The following RAB30 variants were observed in gnomAD, a reference collection of about 807,000 sequenced individuals.
RAB30 encodes the protein RAB30, member RAS oncogene family.
In RAB30, 9 loss-of-function variants were observed where a neutral mutation model predicts 25.1. That is an observed-to-expected ratio of 0.36 (90% CI 0.22 to 0.63). The LOEUF is 0.63. Among genes scored for constraint, RAB30 ranks in the 20% least tolerant of loss-of-function variants. RAB30 has a pLI of 0.69. For missense variants in RAB30, 140 were observed against 243.5 expected (o/e 0.58, Z 2.83); for synonymous variants, 77 against 86.4 (o/e 0.89, Z 0.60).
At chr11:83,029,954 A>G (rs976875055) in intron 1 of RAB30, among the ~76,000 whole-genome samples, 5 of 152,208 alleles carry the variant, frequency 3.3e-5, no homozygotes, top group Non-Finnish European at 5.9e-5. Flanking sequence ...AAAACCAGAT[A>G]CCTTGTTTTC....
Position 82,987,790 on chromosome 11 carries a change from G to C in RAB30, c.178-20C>G, listed in dbSNP as rs376549424. The C allele has an allele frequency of 2.0e-5, 30 of 1,522,550 alleles. No individual in the cohort carries two copies. In the African/African-American group the frequency reaches 4.1e-4, roughly 21 times the overall value. 94.3% of individuals were successfully genotyped at this position (1,522,550 alleles called of 1,614,324 possible). A position where few individuals can be genotyped will look rare whatever the true frequency, so the allele number is the denominator to read the frequency against. On this transcript the variant is annotated intron_variant, in intron 3 of 4. Coordinates refer to ENST00000527633, the MANE Select transcript of RAB30 (RefSeq NM_001286060.2). ...CTGTAGCTGTAAAGGCATAAGATAAGAATCAGGTGAAGAAGGATCAGGTTG... is the reference window on the plus strand; with the variant it reads ...CTGTAGCTGTAAAGGCATAAGATAACAATCAGGTGAAGAAGGATCAGGTTG...
chr11:83,010,457 A>C (rs1198330244), intron 1 of RAB30, among the ~76,000 whole-genome samples: 3 of 152,218 alleles, frequency 2.0e-5, no homozygotes, highest in Non-Finnish European at 2.9e-5. Context: ...AAACAAAAAT[A>C]AATAAATAAA....
chr11:82,975,681 G>C lies in RAB30; in HGVS notation c.*6484C>G, dbSNP rs1351986808. On this transcript the variant is annotated 3_prime_UTR_variant, in exon 5 of 5. Coordinates refer to ENST00000527633, the MANE Select transcript of RAB30 (RefSeq NM_001286060.2). The stretch of plus-strand genomic sequence containing the variant: ...AGAAGCACACTTTGTTATCAATTAT[G>C]TAACTAAAGAATCAAAGTATGTATA... The C allele has an allele frequency of 6.6e-6, 1 of 152,048 alleles. No individual in the cohort carries two copies. Among genetic ancestry groups the C allele is most frequent in the Non-Finnish European group, 1.5e-5 (1 of 67,988 alleles). 9.4% of individuals were successfully genotyped at this position (152,048 alleles called of 1,614,324 possible). A position where few individuals can be genotyped will look rare whatever the true frequency, so the allele number is the denominator to read the frequency against.
intron 4 of RAB30, among the ~76,000 whole-genome samples, chr11:82,985,676 G>A (rs913839493): frequency 1.3e-5 from 2 of 148,754 alleles, no homozygotes; most frequent in African/African-American, 4.9e-5. Flanking sequence ...AGGATGAAAA[G>A]ATGTAGCTGT....
chr11:83,066,737 A>G lies in RAB30; in HGVS notation c.-9+4954T>C, dbSNP rs368182616. The stretch of plus-strand genomic sequence containing the variant: ...CCGCCTAATTTTGTATTTTTAGTAG[A>G]GACGGGGTTTCACCATGTTGGCCAC... On this transcript the variant is annotated intron_variant, in intron 1 of 4. Transcript: ENST00000527633. Among the ~76,000 whole-genome samples the G allele has an allele frequency of 2.5e-3, 382 of 152,274 alleles. 1 individual carries two copies. Among genetic ancestry groups the G allele is most frequent in the African/African-American group, 8.7e-3 (361 of 41,552 alleles).
At chr11:83,009,371 C>T (rs77650460) in intron 1 of RAB30, among the ~76,000 whole-genome samples, 5,010 of 152,156 alleles carry the variant, frequency 0.033, 143 homozygotes, top group East Asian at 0.074. Context: ...CGGCCAAAAA[C>T]GGGGAAATTT....
At chr11:82,996,760 ATGAAAATGATTCACTCAAGTTTCC>A (rs1856966774) in intron 2 of RAB30, among the ~76,000 whole-genome samples, 1 of 152,198 alleles carries the variant, frequency 6.6e-6, no homozygotes. Context: ...TTGGTCCTAA[ATGAAAATGATTCACTCAAGTTTCC>A]TGGGAGGATG....
chr11:83,048,092 C>T (rs1858272235), intron 1 of RAB30, among the ~76,000 whole-genome samples: 1 of 152,002 alleles, frequency 6.6e-6, no homozygotes, highest in Non-Finnish European at 1.5e-5. Context: ...AAAAATAAAA[C>T]GATGCTCACT....
chr11:83,001,471 G>A (rs1264565809), intron 1 of RAB30, among the ~76,000 whole-genome samples: 1 of 152,228 alleles, frequency 6.6e-6, no homozygotes, highest in African/African-American at 2.4e-5. Flanking sequence ...GAGCCACCAC[G>A]CCAAGACGTT....
rs1856511317 is a variant in RAB30 at position 82,974,645 on chromosome 11, T to C, written c.*7520A>G. 1 of 152,132 alleles carries C rather than the reference T, an allele frequency of 6.6e-6. No individual in the cohort carries two copies. Among genetic ancestry groups the C allele is most frequent in the East Asian group, 1.9e-4 (1 of 5,192 alleles). The allele number at this position is 152,132 out of a possible 1,614,324, so 9.4% of individuals were successfully genotyped here. ...TTCATAAAACTCAGTGATTAACCTG[T>C]TTATTAGTTAAAACTATGTATGTAT... On this transcript the variant is annotated 3_prime_UTR_variant, in exon 5 of 5. Coordinates refer to ENST00000527633, the MANE Select transcript of RAB30 (RefSeq NM_001286060.2).
At chr11:83,012,922 T>C (rs1350921464) in intron 1 of RAB30, among the ~76,000 whole-genome samples, 1 of 152,066 alleles carries the variant, frequency 6.6e-6, no homozygotes, top group African/African-American at 2.4e-5. Context: ...CCTTCACACC[T>C]TTACTCACAG....
At chr11:82,999,469 G>A (rs1857028450) in intron 1 of RAB30, among the ~76,000 whole-genome samples, 1 of 152,170 alleles carries the variant, frequency 6.6e-6, no homozygotes, top group Admixed American at 6.5e-5. Context: ...ACAGAACTGT[G>A]ATGCATGAAA....
chr11:83,056,848 T>C (rs1590878914), intron 1 of RAB30, among the ~76,000 whole-genome samples: 1 of 152,160 alleles, frequency 6.6e-6, no homozygotes, highest in East Asian at 1.9e-4. Context: ...TAAAAAAAAG[T>C]TTGCCAATAT....
intron 1 of RAB30, among the ~76,000 whole-genome samples, chr11:83,040,101 G>A (rs1019722060): frequency 6.6e-6 from 1 of 152,168 alleles, no homozygotes; most frequent in African/African-American, 2.4e-5. Context: ...ATGTAAGAAA[G>A]AAACAGGAGG....
At chr11:83,022,193 C>G (rs564108760) in intron 1 of RAB30, among the ~76,000 whole-genome samples, 1 of 152,238 alleles carries the variant, frequency 6.6e-6, no homozygotes, top group African/African-American at 2.4e-5. Flanking sequence ...GGGCCTTGCT[C>G]TGTTGCTCAG....
intron 1 of RAB30, among the ~76,000 whole-genome samples, chr11:83,045,413 G>A (rs978206380): frequency 1.3e-5 from 2 of 152,110 alleles, no homozygotes; most frequent in Non-Finnish European, 2.9e-5. Flanking sequence ...TTACAGGCAT[G>A]AGCTACCACA....
intron 1 of RAB30, chr11:83,039,040 C>T (rs1858048116): frequency 1.3e-5 from 2 of 151,776 alleles, no homozygotes; most frequent in South Asian, 4.2e-4. Flanking sequence ...TTAGTAATTG[C>T]ACAAATTAGG....
In RAB30 at chr11:83,011,351, A is replaced by T. The variant is rs866601985; in HGVS notation, c.-8-14027T>A. 8.7e-4 allele frequency among the ~76,000 whole-genome samples: 132 copies of T among 152,330 alleles called. 3 individuals are homozygous for T. In the South Asian group the frequency reaches 0.017, roughly 19 times the overall value. Reference sequence around the variant, plus strand: ...TACAAAATCATTTCAATTTTGAGAAACCAGAGAACTTAATATAAATCTTGT... The same window carrying T: ...TACAAAATCATTTCAATTTTGAGAATCCAGAGAACTTAATATAAATCTTGT... On this transcript the variant is annotated intron_variant, in intron 1 of 4. Transcript: ENST00000527633.
intron 1 of RAB30, among the ~76,000 whole-genome samples, chr11:82,997,850 A>G (rs1367477163): frequency 1.3e-5 from 2 of 152,302 alleles, no homozygotes; most frequent in Middle Eastern, 3.4e-3. Context: ...AATGGTAGTC[A>G]TAGCCATCTT....
Sources: gnomAD v4.1 joint callset for allele counts (sites outside exome capture counted in the v4.1 genomes callset) on GRCh38, gnomAD v4.1.1 for gene constraint, MANE v1.5 for transcripts, NCBI Gene and HGNC (gene_info 2026-07-23, HGNC 2026-07-21) for gene names.